The following ATG4A variants were observed in gnomAD, a reference collection of about 807,000 sequenced individuals.
The protein encoded by ATG4A is cysteine protease ATG4A.
Under a neutral mutation model 38.4 loss-of-function variants are expected in ATG4A, and 22 were observed. The observed-to-expected ratio is 0.57, with a 90% CI of 0.41 to 0.82. The LOEUF (loss-of-function observed/expected upper bound fraction) is 0.82, where lower values mean the gene tolerates loss of function less well. ATG4A is among the 40% of genes least tolerant of loss of function. ATG4A has a pLI of 0.00. For missense variants in ATG4A, 220 were observed against 290.0 expected (o/e 0.76, Z 1.75); for synonymous variants, 86 against 100.7 (o/e 0.85, Z 0.88).
chrX:108,106,332 T>G (rs1370802223), intron 1 of ATG4A, among the ~76,000 whole-genome samples: 1 of 111,873 alleles, frequency 8.9e-6, no homozygotes, highest in African/African-American at 3.2e-5. Context: ...CTTTACTTTC[T>G]CCCATCTATA....
At chrX:108,091,930 G>A in intron 1 of ATG4A, 94 bp downstream of exon 1, 2 of 1,171,566 alleles carry the variant, frequency 1.7e-6, no homozygotes, top group Non-Finnish European at 2.3e-6. Context: ...ACAGGTTCGG[G>A]GGCAGGGCAA....
At chrX:108,140,818 A>T (rs1263581771) in intron 9 of ATG4A, among the ~76,000 whole-genome samples, 3 of 98,474 alleles carry the variant, frequency 3.0e-5, no homozygotes, top group Admixed American at 1.2e-4. Flanking sequence ...AATATATATA[A>T]AATGTATTAC....
intron 1 of ATG4A, among the ~76,000 whole-genome samples, chrX:108,108,135 A>C (rs1187130734): frequency 2.0e-5 from 2 of 101,430 alleles, no homozygotes; most frequent in African/African-American, 7.2e-5. Context: ...TCCTTTGGCT[A>C]GAGATAGCCA....
chrX:108,116,680 T>A (rs1334087564), intron 1 of ATG4A, among the ~76,000 whole-genome samples: 2 of 111,765 alleles, frequency 1.8e-5, no homozygotes, highest in Non-Finnish European at 3.8e-5. Flanking sequence ...AGGGGCCCCA[T>A]GAAGTCTGGC....
At chrX:108,123,622 T>C (rs761533501) in intron 1 of ATG4A, among the ~76,000 whole-genome samples, 78 of 112,197 alleles carry the variant, frequency 7.0e-4, no homozygotes, top group African/African-American at 2.2e-3. Context: ...CCTCACATAC[T>C]GCATTCGGGG....
intron 1 of ATG4A, among the ~76,000 whole-genome samples, chrX:108,101,833 T>C (rs1460215439): frequency 9.1e-6 from 1 of 109,591 alleles, no homozygotes; most frequent in African/African-American, 3.3e-5. Context: ...ATGCAGTATT[T>C]ACCCTTCTGT....
In ATG4A at chrX:108,096,797, A is replaced by C. The variant is rs768431155; in HGVS notation, c.10+4961A>C. 5.4e-5 allele frequency among the ~76,000 whole-genome samples: 6 copies of C among 110,586 alleles called. No individual in the cohort carries two copies. The East Asian group carries it at 1.7e-3, about 31-fold the overall frequency. ...TATCCTTTGACTTTTTGAAAGCTGCAAGATAAATAGGTCTTAGAGGAGAAG... is the reference window on the plus strand; with the variant it reads ...TATCCTTTGACTTTTTGAAAGCTGCCAGATAAATAGGTCTTAGAGGAGAAG... On this transcript the variant is annotated intron_variant, in intron 1 of 12. Coordinates refer to ENST00000372232, the MANE Select transcript of ATG4A (RefSeq NM_052936.5).
chrX:108,135,324 T>A (rs2033068598), intron 6 of ATG4A, among the ~76,000 whole-genome samples: 1 of 112,402 alleles, frequency 8.9e-6, no homozygotes, highest in African/African-American at 3.2e-5. Context: ...ATCAGAAGAT[T>A]GAAACCTTCT....
Position 108,135,168 on chromosome X carries a change from A to G in ATG4A, c.467+757A>G, listed in dbSNP as rs181277387. Among the ~76,000 whole-genome samples the G allele has an allele frequency of 1.1e-4, 12 of 112,162 alleles. No homozygotes were observed. In the East Asian group the frequency reaches 3.4e-3, roughly 31 times the overall value. On this transcript the variant is annotated intron_variant, in intron 6 of 12. Coordinates refer to ENST00000372232, the MANE Select transcript of ATG4A (RefSeq NM_052936.5). ...CTCCTTCCTAACAACCTATCACTGG[A>G]TGGAAACTCCATGAGGGCAGAGATT...
At chrX:108,122,085 A>G (rs772354208) in intron 1 of ATG4A, among the ~76,000 whole-genome samples, 9 of 112,034 alleles carry the variant, frequency 8.0e-5, no homozygotes, top group Non-Finnish European at 1.9e-5. Context: ...TTCACTTTAG[A>G]GAGTTTGTGG....
intron 1 of ATG4A, among the ~76,000 whole-genome samples, chrX:108,113,130 A>G (rs2032408937): frequency 9.0e-6 from 1 of 111,296 alleles, no homozygotes; most frequent in African/African-American, 3.3e-5. Context: ...TCTAGTTTGA[A>G]GAGCTAATTT....
upstream of ATG4A, chrX:108,091,640 T>C: frequency 1.1e-6 from 1 of 939,831 alleles, no homozygotes; most frequent in South Asian, 2.1e-5. Flanking sequence ...CTCGTTCCCT[T>C]TTCTTTTCCC....
chrX:108,136,662 C>A (rs2033114618), intron 6 of ATG4A, among the ~76,000 whole-genome samples: 1 of 112,148 alleles, frequency 8.9e-6, no homozygotes, highest in African/African-American at 3.2e-5. Context: ...AAACAAATAT[C>A]TATTTTTTAC....
intron 11 of ATG4A, 44 bp downstream of exon 11, chrX:108,151,902 A>G: frequency 9.2e-7 from 1 of 1,083,567 alleles, no homozygotes; most frequent in Admixed American, 2.4e-5. Flanking sequence ...GAAGTTACCC[A>G]ATTTTATTCC....
chrX:108,151,711 G>A, intron 10 of ATG4A, 91 bp from the exon 11 acceptor site: 1 of 921,252 alleles, frequency 1.1e-6, no homozygotes, highest in Non-Finnish European at 1.6e-6. Context: ...CACATCCACA[G>A]AGACTGGCCC....
intron 1 of ATG4A, among the ~76,000 whole-genome samples, chrX:108,113,647 T>C (rs1296288283): frequency 1.8e-5 from 2 of 111,367 alleles, no homozygotes; most frequent in Non-Finnish European, 3.8e-5. Context: ...TAGTTCCACA[T>C]GGCTGGGGAG....
intron 1 of ATG4A, among the ~76,000 whole-genome samples, chrX:108,097,601 G>A (rs1437480260): frequency 1.8e-5 from 2 of 112,139 alleles, no homozygotes; most frequent in East Asian, 5.6e-4. Context: ...CTTGGACAGT[G>A]CAGAGAGAGA....
intron 1 of ATG4A, among the ~76,000 whole-genome samples, chrX:108,106,103 C>T (rs1302677512): frequency 9.0e-6 from 1 of 110,772 alleles, no homozygotes; most frequent in East Asian, 2.8e-4. Flanking sequence ...TCACATATTT[C>T]GATATGTTGT....
chrX:108,141,088 ATATATATATATATATATAT>A (rs1340948990), intron 9 of ATG4A, among the ~76,000 whole-genome samples: 30 of 77,577 alleles, frequency 3.9e-4, no homozygotes, highest in Non-Finnish European at 7.0e-4. Flanking sequence ...ATATATATAT[ATATATATATATATATATAT>A]ATCACTAAGG....
Sources: gnomAD v4.1 joint callset for allele counts (sites outside exome capture counted in the v4.1 genomes callset) on GRCh38, gnomAD v4.1.1 for gene constraint, MANE v1.5 for transcripts, NCBI Gene and HGNC (gene_info 2026-07-23, HGNC 2026-07-21) for gene names.